The following ANK3 variants were observed in gnomAD, a reference collection of about 807,000 sequenced individuals.
The protein encoded by ANK3 is ankyrin 3, also known as ankyrin-3.
A neutral mutation model predicts 370.9 loss-of-function variants in ANK3; 57 were observed. That is an observed-to-expected ratio of 0.15 (90% CI 0.12 to 0.19). ANK3 has a LOEUF of 0.19. Among genes scored for constraint, ANK3 ranks in the 10% least tolerant of loss-of-function variants. ANK3 has a pLI of 1.00. For missense variants in ANK3, 4,439 were observed against 5,302.1 expected, an observed-to-expected ratio of 0.84 and a Z score of 5.06; for synonymous variants, 1,929 against 1,946.3, an observed-to-expected ratio of 0.99 and a Z score of 0.23.
chr10:60,409,622 CA>C (rs2063520065), intron 2 of ANK3, among the ~76,000 whole-genome samples: 1 of 152,064 alleles, frequency 6.6e-6, no homozygotes, highest in Non-Finnish European at 1.5e-5. Flanking sequence ...TCCCACTGAA[CA>C]TTAGAGGCCA....
chr10:60,660,934 A>ACACACACACACACACCCC lies in ANK3; in HGVS notation c.58-45711_58-45710insGGGGTGTGTGTGTGTGTG, dbSNP rs373156861. Among the ~76,000 whole-genome samples, 10 of 151,854 alleles carry ACACACACACACACACCCC rather than the reference A, an allele frequency of 6.6e-5. No homozygotes were observed. The Middle Eastern group carries it at 0.014, about 207-fold the overall frequency. On this transcript the variant is annotated intron_variant, in intron 1 of 43. Transcript: ENST00000373827. The stretch of plus-strand genomic sequence containing the variant: ...AATACACACTCACACACACACACAC[A>ACACACACACACACACCCC]CCCCACATCTATAAGACATAACACA...
Position 60,694,803 on chromosome 10 carries a change from G to A in ANK3, c.57+38460C>T, listed in dbSNP as rs548403843. Among the ~76,000 whole-genome samples the A allele has an allele frequency of 4.0e-5, 6 of 151,328 alleles. No individual in the cohort carries two copies. In the East Asian group the frequency reaches 1.2e-3, roughly 29 times the overall value. On this transcript the variant is annotated intron_variant, in intron 1 of 43. Transcript: ENST00000373827. Reference sequence around the variant, plus strand: ...AGCCACTGCAAAATCATGCCAAAATGTAAAGACCATCGAGACTAGGAAGAA... The same window carrying A: ...AGCCACTGCAAAATCATGCCAAAATATAAAGACCATCGAGACTAGGAAGAA...
chr10:60,368,169 A>G (rs1981251), intron 1 of ANK3, among the ~76,000 whole-genome samples: 74,143 of 151,800 alleles, frequency 0.49, 19,079 homozygotes, highest in South Asian at 0.61. Context: ...GAGCACATTA[A>G]CTAAAAGAAG....
chr10:60,092,582 T>C (rs1046307620), intron 28 of ANK3, among the ~76,000 whole-genome samples: 9 of 152,154 alleles, frequency 5.9e-5, no homozygotes, highest in African/African-American at 2.2e-4. Flanking sequence ...ACAATGACTA[T>C]AGAACTATTT....
At chr10:60,050,876 G>A (rs1359321410) in intron 42 of ANK3, 2 of 144,678 alleles carry the variant, frequency 1.4e-5, no homozygotes, top group Non-Finnish European at 3.0e-5. Flanking sequence ...TTTTTTTCTT[G>A]TGTGTTAGTA....
intron 2 of ANK3, among the ~76,000 whole-genome samples, chr10:60,415,995 G>C (rs1047998315): frequency 7.0e-6 from 1 of 142,638 alleles, no homozygotes; most frequent in African/African-American, 2.6e-5. Context: ...CCTTTGGAAG[G>C]TGATTAAGTC....
intron 42 of ANK3, chr10:60,043,873 C>T: frequency 1.1e-6 from 1 of 909,852 alleles, no homozygotes; most frequent in Non-Finnish European, 1.3e-6. Flanking sequence ...ACTCTGAAGA[C>T]AGTTAAAAAA....
intron 1 of ANK3, among the ~76,000 whole-genome samples, chr10:60,657,832 T>A (rs1457856953): frequency 6.6e-6 from 1 of 152,128 alleles, no homozygotes; most frequent in Non-Finnish European, 1.5e-5. Context: ...TCTGTAACTA[T>A]TATATGATTA....
chr10:60,055,124 C>T (rs2131910781), intron 42 of ANK3, among the ~76,000 whole-genome samples: 1 of 152,170 alleles, frequency 6.6e-6, no homozygotes, highest in Admixed American at 6.5e-5. Context: ...TTCTAACTAA[C>T]TGCTGTCAAC....
intron 2 of ANK3, among the ~76,000 whole-genome samples, chr10:60,413,747 C>A (rs1344028084): frequency 6.6e-6 from 1 of 152,136 alleles, no homozygotes; most frequent in Non-Finnish European, 1.5e-5. Flanking sequence ...GTAATCCCAG[C>A]ACTTTGAGAG....
Position 60,395,039 on chromosome 10 carries a change from A to C in ANK3, c.97-115400T>G, listed in dbSNP as rs534874209. 2.7e-3 allele frequency among the ~76,000 whole-genome samples: 412 copies of C among 152,318 alleles called. 1 individual carries two copies. Among genetic ancestry groups the C allele is most frequent in the Non-Finnish European group, 4.5e-3 (308 of 68,020 alleles). On this transcript the variant is annotated intron_variant, in intron 2 of 43. Transcript: ENST00000373827. ...AGTGTAACTGGAGAACTAAATATTT[A>C]GTTTTATTTAAAATTTCAAATTAAA...
intron 2 of ANK3, among the ~76,000 whole-genome samples, chr10:60,435,980 C>T (rs1215804883): frequency 5.3e-5 from 8 of 151,880 alleles, no homozygotes; most frequent in Non-Finnish European, 1.0e-4. Flanking sequence ...CCAGCTTACT[C>T]GGGAGGCTGA....
At chr10:60,438,388 G>A (rs1336267265) in intron 2 of ANK3, among the ~76,000 whole-genome samples, 1 of 152,062 alleles carries the variant, frequency 6.6e-6, no homozygotes, top group Admixed American at 6.5e-5. Context: ...TGAAAGGATG[G>A]GATATGAAGC....
chr10:60,101,568 C>T (rs893269816), intron 28 of ANK3, among the ~76,000 whole-genome samples: 92 of 152,286 alleles, frequency 6.0e-4, no homozygotes, highest in African/African-American at 1.9e-3. Flanking sequence ...AAGACTAGAA[C>T]AAAATCTATG....
intron 18 of ANK3, among the ~76,000 whole-genome samples, chr10:60,175,237 A>G (rs1423224170): frequency 6.6e-6 from 1 of 152,148 alleles, no homozygotes; most frequent in Non-Finnish European, 1.5e-5. Flanking sequence ...CACAAACACT[A>G]AAGTGTTTTT....
chr10:60,241,614 GT>G (rs1378952837), intron 7 of ANK3, among the ~76,000 whole-genome samples: 1 of 152,000 alleles, frequency 6.6e-6, no homozygotes, highest in Non-Finnish European at 1.5e-5. Context: ...AACTCTTTGG[GT>G]TTATTTATAA....
At chr10:60,060,627 C>T (rs998786839) in intron 40 of ANK3, 4 of 151,954 alleles carry the variant, frequency 2.6e-5, no homozygotes, top group Admixed American at 1.3e-4. Flanking sequence ...AAATTTTAAA[C>T]GATGTTAAGA....
intron 2 of ANK3, among the ~76,000 whole-genome samples, chr10:60,397,201 T>TA (rs200880865): frequency 0.23 from 32,744 of 139,602 alleles, 3,706 homozygotes; most frequent in East Asian, 0.36. Context: ...ATAGTAGGAT[T>TA]AAAAAAAAAA....
chr10:60,073,683 C>T lies in ANK3; in HGVS notation c.7198G>A (p.Glu2400Lys). The part of the protein sequence containing the change: ...GQQEEEELTA[E>K]ESLPSYLESS... Reference sequence around the variant, plus strand: ...TCCAGATAAGAAGGCAATGACTCTTCAGCAGTAAGTTCTTCTTCTTCTTGC... The same window carrying T: ...TCCAGATAAGAAGGCAATGACTCTTTAGCAGTAAGTTCTTCTTCTTCTTGC... The change falls in exon 37 of 44, where the codon GAA becomes AAA. Residue 2400 changes from glutamate to lysine, a missense_variant. Physicochemically the swap from Glu to Lys is moderately conservative, Grantham distance 56. Transcript: ENST00000280772. 1 of 1,614,058 alleles carries T rather than the reference C, an allele frequency of 6.2e-7. No individual in the cohort carries two copies. The highest frequency in any genetic ancestry group is 8.5e-7 in the Non-Finnish European group (1 of 1,180,000).
Sources: allele counts gnomAD v4.1 joint callset (sites outside exome capture counted in the v4.1 genomes callset), GRCh38; gene constraint gnomAD v4.1.1; transcripts MANE v1.5; gene names NCBI Gene and HGNC (gene_info 2026-07-23, HGNC 2026-07-21).